The following TLL1 variants were observed in gnomAD, a reference collection of about 807,000 sequenced individuals.
TLL1 encodes the protein tolloid-like protein 1.
In TLL1, 49 loss-of-function variants were observed where a neutral mutation model predicts 128.2. The ratio of observed to expected loss-of-function variants is 0.38; its 90% CI spans 0.30 to 0.48. TLL1 has a LOEUF of 0.48. TLL1 is among the 20% of genes least tolerant of loss of function. The probability of loss-of-function intolerance (pLI) is 0.96; values close to 1 mark genes in which losing one functional copy is unlikely to be tolerated. For missense variants in TLL1, 1,123 were observed against 1,242.0 expected (o/e 0.90, Z 1.44); for synonymous variants, 454 against 418.8 (o/e 1.08, Z -1.03).
At chr4:166,100,410 G>A (rs998240513) in intron 20 of TLL1, among the ~76,000 whole-genome samples, 20 of 152,038 alleles carry the variant, frequency 1.3e-4, no homozygotes, top group African/African-American at 4.8e-4. Flanking sequence ...TCACTTTACT[G>A]ATTTGTAAAT....
At position 165,877,350 on chromosome 4, in the gene TLL1, A is replaced by T. The variant is rs117995359; in HGVS notation, c.169+3277A>T. On this transcript the variant is annotated intron_variant, in intron 1 of 20. Transcript: ENST00000061240. ...CAAAATATAGGTACTTTATTTCTCT[A>T]TATAAGTAGATATACACAAAGATAC... Among the ~76,000 whole-genome samples the T allele has an allele frequency of 2.5e-3, 376 of 152,370 alleles. 2 individuals are homozygous for T. In the East Asian group the frequency reaches 0.043, roughly 18 times the overall value.
At chr4:166,098,599 G>C (rs1197817119) in intron 19 of TLL1, among the ~76,000 whole-genome samples, 1 of 151,968 alleles carries the variant, frequency 6.6e-6, no homozygotes, top group East Asian at 1.9e-4. Context: ...TTGTTGGATA[G>C]GTTGTAGAAC....
Position 166,101,337 on chromosome 4 carries a change from G to C in TLL1, c.*461G>C. ...TGTATCTTGGATACAGTGTAAACCA[G>C]ATCCATATAAGGTGAATGTGAAATG... On this transcript the variant is annotated 3_prime_UTR_variant, in exon 21 of 21. Transcript: ENST00000061240. 1 of 210,992 alleles carries C rather than the reference G, an allele frequency of 4.7e-6. No individual in the cohort carries two copies. The highest frequency in any genetic ancestry group is 7.8e-5 in the South Asian group (1 of 12,846). 13.1% of individuals were successfully genotyped at this position (210,992 alleles called of 1,614,324 possible).
intron 18 of TLL1, among the ~76,000 whole-genome samples, chr4:166,080,251 T>C (rs187317886): frequency 4.0e-4 from 61 of 152,224 alleles, no homozygotes; most frequent in African/African-American, 1.4e-3. Flanking sequence ...TGTCTCTTAC[T>C]CTTCTTATAA....
intron 1 of TLL1, among the ~76,000 whole-genome samples, chr4:165,930,496 C>T (rs1733467548): frequency 6.6e-6 from 1 of 151,964 alleles, no homozygotes; most frequent in Non-Finnish European, 1.5e-5. Context: ...TAAAATTTTA[C>T]TGAAACACAG....
chr4:165,910,443 G>A (rs928206077), intron 1 of TLL1, among the ~76,000 whole-genome samples: 9 of 152,180 alleles, frequency 5.9e-5, no homozygotes, highest in Non-Finnish European at 8.8e-5. Context: ...CTAGACACCA[G>A]TAGAAAAATG....
At chr4:165,965,662 G>C (rs1735331817) in intron 1 of TLL1, among the ~76,000 whole-genome samples, 1 of 152,186 alleles carries the variant, frequency 6.6e-6, no homozygotes, top group South Asian at 2.1e-4. Context: ...TGTCAGCATA[G>C]ATACGTATTC....
chr4:166,036,307 T>C (rs1738995562), intron 9 of TLL1, among the ~76,000 whole-genome samples: 1 of 152,194 alleles, frequency 6.6e-6, no homozygotes, highest in Admixed American at 6.5e-5. Context: ...TGACATCTAT[T>C]CAACGTTGCA....
At chr4:165,936,588 A>G (rs1406393104) in intron 1 of TLL1, among the ~76,000 whole-genome samples, 1 of 152,196 alleles carries the variant, frequency 6.6e-6, no homozygotes. Context: ...TACAGTATAC[A>G]TATGTAACTG....
intron 16 of TLL1, among the ~76,000 whole-genome samples, chr4:166,070,712 T>C (rs1579705203): frequency 6.6e-6 from 1 of 151,922 alleles, no homozygotes; most frequent in Admixed American, 6.6e-5. Flanking sequence ...TCTGTCTAGC[T>C]CTAAATTCAA....
At chr4:166,085,428 C>A (rs565659015) in intron 18 of TLL1, among the ~76,000 whole-genome samples, 2 of 150,070 alleles carry the variant, frequency 1.3e-5, no homozygotes, top group South Asian at 4.2e-4. Context: ...CATACATAGT[C>A]TTTATTGTGT....
chr4:165,927,269 G>A (rs913332775), intron 1 of TLL1, among the ~76,000 whole-genome samples: 2 of 152,198 alleles, frequency 1.3e-5, no homozygotes, highest in African/African-American at 2.4e-5. Flanking sequence ...GCGATGTTGT[G>A]TAGTAATACT....
At chr4:165,881,638 T>A (rs562203264) in intron 1 of TLL1, among the ~76,000 whole-genome samples, 175 of 152,366 alleles carry the variant, frequency 1.1e-3, no homozygotes, top group Non-Finnish European at 2.3e-3. Flanking sequence ...TCCTCCTTCT[T>A]GAGAGCATTC....
At chr4:165,898,250 G>T (rs1260108006) in intron 1 of TLL1, among the ~76,000 whole-genome samples, 1 of 152,206 alleles carries the variant, frequency 6.6e-6, no homozygotes, top group East Asian at 1.9e-4. Flanking sequence ...GCCCTGGCCA[G>T]AATTTCCAAT....
intron 7 of TLL1, among the ~76,000 whole-genome samples, chr4:166,009,694 A>G (rs1024609427): frequency 3.3e-5 from 5 of 151,322 alleles, no homozygotes; most frequent in African/African-American, 1.2e-4. Context: ...ACGTTATTTT[A>G]TTTTTTAAGT....
chr4:165,941,397 A>T (rs533540223), intron 1 of TLL1, among the ~76,000 whole-genome samples: 1 of 152,154 alleles, frequency 6.6e-6, no homozygotes, highest in Admixed American at 6.6e-5. Flanking sequence ...GGAAGAGAAG[A>T]AATCATTTGA....
intron 14 of TLL1, among the ~76,000 whole-genome samples, chr4:166,058,877 A>T (rs1285341736): frequency 6.6e-6 from 1 of 152,098 alleles, no homozygotes; most frequent in East Asian, 1.9e-4. Flanking sequence ...TGCTTAATGC[A>T]CGCCCCCCTG....
At chr4:165,995,709 C>T (rs558380418) in intron 5 of TLL1, among the ~76,000 whole-genome samples, 1 of 152,236 alleles carries the variant, frequency 6.6e-6, no homozygotes, top group Non-Finnish European at 1.5e-5. Context: ...GTTTTGGTTA[C>T]ATTTGAAATA....
intron 6 of TLL1, 106 bp downstream of exon 6, chr4:166,003,675 G>C: frequency 8.6e-7 from 1 of 1,162,128 alleles, no homozygotes; most frequent in East Asian, 2.5e-5. Context: ...TGATATTTTT[G>C]ATATGATAGA....
Sources: allele counts gnomAD v4.1 joint callset (sites outside exome capture counted in the v4.1 genomes callset), GRCh38; gene constraint gnomAD v4.1.1; transcripts MANE v1.5; gene names NCBI Gene and HGNC (gene_info 2026-07-23, HGNC 2026-07-21).